The following UBE2H variants were observed in gnomAD, a reference collection of about 807,000 sequenced individuals.
UBE2H encodes ubiquitin conjugating enzyme E2 H.
In UBE2H, 3 loss-of-function variants were observed where a neutral mutation model predicts 29.0. That is an observed-to-expected ratio of 0.10 (90% CI 0.05 to 0.27). The LOEUF is 0.27. UBE2H is among the 10% of genes least tolerant of loss of function. UBE2H has a pLI of 1.00. For missense variants in UBE2H, 68 were observed against 228.2 expected (o/e 0.30, Z 4.52); for synonymous variants, 69 against 82.9 (o/e 0.83, Z 0.91).
chr7:129,892,847 TA>T (rs368851740), intron 1 of UBE2H, among the ~76,000 whole-genome samples: 27 of 147,788 alleles, frequency 1.8e-4, no homozygotes, highest in Middle Eastern at 3.2e-3. Flanking sequence ...ACTTTATGTT[TA>T]AAAAAAAAAG....
At chr7:129,938,958 C>A (rs972870933) in intron 1 of UBE2H, among the ~76,000 whole-genome samples, 2 of 152,014 alleles carry the variant, frequency 1.3e-5, no homozygotes, top group Non-Finnish European at 2.9e-5. Flanking sequence ...GCCACCACAC[C>A]CAACTAACTT....
At chr7:129,868,586 C>CAAAAAAA (rs11356893) in intron 3 of UBE2H, among the ~76,000 whole-genome samples, 3 of 69,518 alleles carry the variant, frequency 4.3e-5, no homozygotes, top group Admixed American at 2.2e-4. Flanking sequence ...GACTCCGTCT[C>CAAAAAAA]AAAAAAAAAA....
intron 3 of UBE2H, among the ~76,000 whole-genome samples, chr7:129,863,809 T>TTTTTTTTG (rs1554432035): frequency 2.6e-5 from 2 of 77,502 alleles, no homozygotes; most frequent in African/African-American, 9.5e-5. Flanking sequence ...ATACTAGGTG[T>TTTTTTTTG]TTTTTTTTTT....
chr7:129,834,634 CT>C lies in UBE2H; in HGVS notation c.*302del. 4.7e-6 allele frequency: 1 copy of C among 212,316 alleles called. No homozygotes were observed. Among genetic ancestry groups the C allele is most frequent in the Non-Finnish European group, 9.3e-6 (1 of 107,346 alleles). The allele number at this position is 212,316 out of a possible 1,614,324, so 13.2% of individuals were successfully genotyped here. A position where few individuals can be genotyped will look rare whatever the true frequency, so the allele number is the denominator to read the frequency against. On this transcript the variant is annotated 3_prime_UTR_variant, in exon 7 of 7. Transcript: ENST00000355621. ...TACTCACATCTACCTATCAGAGCGG[CT>C]ATTTCCTTCGACAGTTCAGTAGCAC...
At chr7:129,878,684 A>G (rs980838452) in intron 3 of UBE2H, among the ~76,000 whole-genome samples, 1 of 16,492 alleles carries the variant, frequency 6.1e-5, no homozygotes, top group Non-Finnish European at 2.9e-4. Context: ...CTCCGTCTCA[A>G]AAAAAAAAAA....
intron 1 of UBE2H, among the ~76,000 whole-genome samples, chr7:129,932,335 G>C (rs1446700424): frequency 2.1e-5 from 3 of 144,808 alleles, no homozygotes; most frequent in Non-Finnish European, 4.5e-5. Context: ...GTGTTAGCCA[G>C]GATGGTCTCA....
intron 5 of UBE2H, among the ~76,000 whole-genome samples, chr7:129,844,205 C>T (rs538257227): frequency 6.6e-6 from 1 of 152,132 alleles, no homozygotes; most frequent in Non-Finnish European, 1.5e-5. Flanking sequence ...CACATGAGGC[C>T]CAGTTTTGGG....
chr7:129,842,270 A>C (rs1805442199), intron 5 of UBE2H, among the ~76,000 whole-genome samples: 1 of 152,140 alleles, frequency 6.6e-6, no homozygotes, highest in African/African-American at 2.4e-5. Flanking sequence ...GTCCCTACTA[A>C]AAAATACAAA....
chr7:129,863,810 T>TTTTTTTTTTCTG (rs1350725712), intron 3 of UBE2H, among the ~76,000 whole-genome samples: 1 of 147,552 alleles, frequency 6.8e-6, no homozygotes, highest in Non-Finnish European at 1.5e-5. Flanking sequence ...TACTAGGTGT[T>TTTTTTTTTTCTG]TTTTTTTTTT....
chr7:129,920,848 C>CAAAAAAAA (rs11347186), intron 1 of UBE2H, among the ~76,000 whole-genome samples: 9 of 73,978 alleles, frequency 1.2e-4, no homozygotes, highest in East Asian at 4.8e-4. Context: ...TAGAAAAAGT[C>CAAAAAAAA]AAAAAAAAAA....
intron 1 of UBE2H, among the ~76,000 whole-genome samples, chr7:129,892,011 G>A (rs1245663591): frequency 6.8e-6 from 1 of 147,480 alleles, no homozygotes; most frequent in Non-Finnish European, 1.5e-5. Flanking sequence ...GGAGTGTAGG[G>A]GTGTGATCTG....
At chr7:129,920,273 A>G (rs1807130507) in intron 1 of UBE2H, among the ~76,000 whole-genome samples, 1 of 152,296 alleles carries the variant, frequency 6.6e-6, no homozygotes, top group South Asian at 2.1e-4. Flanking sequence ...TTGGGTATCA[A>G]TGTAAAATAC....
chr7:129,869,197 C>T (rs1046033273), intron 3 of UBE2H, among the ~76,000 whole-genome samples: 4 of 152,066 alleles, frequency 2.6e-5, no homozygotes, highest in African/African-American at 9.7e-5. Flanking sequence ...CTCGGCCTCC[C>T]AAAGTGCTGG....
At chr7:129,947,060 G>A (rs1174467390) in intron 1 of UBE2H, among the ~76,000 whole-genome samples, 1 of 152,128 alleles carries the variant, frequency 6.6e-6, no homozygotes, top group Non-Finnish European at 1.5e-5. Flanking sequence ...AACAAACTTA[G>A]GTTGTTCTAA....
intron 5 of UBE2H, among the ~76,000 whole-genome samples, chr7:129,843,458 T>TA (rs1270918825): frequency 6.6e-6 from 1 of 152,116 alleles, no homozygotes; most frequent in Non-Finnish European, 1.5e-5. Context: ...ACACAGAGCT[T>TA]AAGTATGGAT....
chr7:129,870,301 C>T (rs992054952), intron 3 of UBE2H, among the ~76,000 whole-genome samples: 6 of 152,152 alleles, frequency 3.9e-5, no homozygotes, highest in African/African-American at 1.4e-4. Context: ...ACTTTAAAAT[C>T]CTTCAGAATC....
rs1806213815 is a variant in UBE2H at position 129,879,582 on chromosome 7, T to C, written c.191A>G (p.Lys64Arg). 1.2e-6 allele frequency: 2 copies of C among 1,612,550 alleles called. No individual in the cohort carries two copies. The highest frequency in any genetic ancestry group is 1.7e-5 in the Admixed American group (1 of 59,708). ...RVDLPDKYPF[K>R]SPSIGFMNKI... ...TAGTAACATACCTATAGATGGAGAT[T>C]TGAAAGGGTATTTATCAGGTAGGTC... The change falls in exon 3 of 7, where the codon AAA (lysine) becomes AGA (arginine). Residue 64 changes from lysine to arginine, a missense_variant. Around this residue, in one of 3 missense-constraint regions of UBE2H, gnomAD observed 40 missense variants for 174.1 expected, o/e 0.23. Coordinates refer to ENST00000355621, the MANE Select transcript of UBE2H (RefSeq NM_003344.4).
Position 129,865,834 on chromosome 7 carries a change from T to A in UBE2H, c.206-6893A>T, listed in dbSNP as rs552888240. On this transcript the variant is annotated intron_variant, in intron 3 of 6. Transcript: ENST00000355621. ...TAAAATATTCTTATTAAAGACTGAA[T>A]CTCATCTTCCCTTGCAGTATCTCAG... Among the ~76,000 whole-genome samples, 8 of 152,324 alleles carry A rather than the reference T, an allele frequency of 5.3e-5. No individual in the cohort carries two copies. The South Asian group carries it at 1.7e-3, about 32-fold the overall frequency.
intron 1 of UBE2H, among the ~76,000 whole-genome samples, chr7:129,921,116 C>T (rs902146728): frequency 2.0e-5 from 3 of 152,036 alleles, no homozygotes; most frequent in East Asian, 3.9e-4. Flanking sequence ...ACCACTACTA[C>T]ACAATTTCAC....
Sources: allele counts gnomAD v4.1 joint callset (sites outside exome capture counted in the v4.1 genomes callset), GRCh38; gene constraint gnomAD v4.1.1; regional missense constraint gnomAD v4.1.1; transcripts MANE v1.5; gene names NCBI Gene and HGNC (gene_info 2026-07-23, HGNC 2026-07-21).